DCLK2: variants seen among roughly 807,000 people sequenced by gnomAD.
DCLK2 encodes doublecortin like kinase 2.
In DCLK2, 31 loss-of-function variants were observed where a neutral mutation model predicts 78.4. The observed-to-expected ratio is 0.40, with a 90% CI of 0.30 to 0.53. The LOEUF is 0.53. Among genes scored for constraint, DCLK2 ranks in the 20% least tolerant of loss-of-function variants. The pLI is 0.61. For missense variants in DCLK2, 872 were observed against 973.7 expected, an observed-to-expected ratio of 0.90 and a Z score of 1.39; for synonymous variants, 407 against 374.9, an observed-to-expected ratio of 1.09 and a Z score of -0.99.
intron 2 of DCLK2, among the ~76,000 whole-genome samples, chr4:150,174,460 G>A (rs1231220638): frequency 1.3e-5 from 2 of 152,148 alleles, no homozygotes; most frequent in Non-Finnish European, 2.9e-5. Flanking sequence ...TTTGTCAGAA[G>A]CGGGGACTGC....
In DCLK2 at chr4:150,187,129, T is replaced by C. The variant is rs145869563; in HGVS notation, c.757-6009T>C. Among the ~76,000 whole-genome samples, 700 of 152,310 alleles carry C rather than the reference T, an allele frequency of 4.6e-3. 4 individuals are homozygous for C. The highest frequency in any genetic ancestry group is 0.016 in the African/African-American group (649 of 41,552). On this transcript the variant is annotated intron_variant, in intron 2 of 15. Coordinates refer to ENST00000296550, the MANE Select transcript of DCLK2 (RefSeq NM_001040260.4). ...ATATAGATATATACCAAACCATTGC[T>C]TTGCTTTAAGTCAAATCTTTCTTAT...
chr4:150,130,163 C>T (rs1733199828), intron 2 of DCLK2, among the ~76,000 whole-genome samples: 1 of 152,038 alleles, frequency 6.6e-6, no homozygotes, highest in East Asian at 1.9e-4. Context: ...GCTCAGAAGT[C>T]CTTAATATGT....
chr4:150,087,114 G>A (rs34450486), intron 1 of DCLK2, among the ~76,000 whole-genome samples: 57,604 of 151,890 alleles, frequency 0.38, 11,158 homozygotes, highest in Non-Finnish European at 0.42. Context: ...CCTATTTGCC[G>A]TGTTTTCAAC....
intron 3 of DCLK2, among the ~76,000 whole-genome samples, chr4:150,196,513 C>T (rs1011193296): frequency 1.3e-5 from 2 of 152,172 alleles, no homozygotes; most frequent in South Asian, 2.1e-4. Flanking sequence ...AGTTTACTGC[C>T]CCTGGGGTAT....
intron 2 of DCLK2, among the ~76,000 whole-genome samples, chr4:150,128,422 G>T (rs12506111): frequency 6.6e-6 from 1 of 152,062 alleles, no homozygotes; most frequent in East Asian, 1.9e-4. Context: ...ATTATGTAGC[G>T]CATACAATGC....
chr4:150,078,809 T>C lies in DCLK2; in HGVS notation c.-219T>C. The C allele has an allele frequency of 4.1e-6, 2 of 484,882 alleles. No homozygotes were observed. Among genetic ancestry groups the C allele is most frequent in the South Asian group, 5.0e-5 (1 of 19,980 alleles). The allele number at this position is 484,882 out of a possible 1,614,324, so 30.0% of individuals were successfully genotyped here. Reference sequence around the variant, plus strand: ...GCACGGAGCAAGTCGCACTGGACAATGACCTGGGCAGCTCGGCGCTGCGGA... The same window carrying C: ...GCACGGAGCAAGTCGCACTGGACAACGACCTGGGCAGCTCGGCGCTGCGGA... On this transcript the variant is annotated 5_prime_UTR_variant, in exon 1 of 16. An upstream start codon of the reference 5' UTR is lost. Transcript: ENST00000296550.
intron 2 of DCLK2, among the ~76,000 whole-genome samples, chr4:150,124,624 G>A (rs1333125448): frequency 6.6e-6 from 1 of 152,118 alleles, no homozygotes; most frequent in Non-Finnish European, 1.5e-5. Context: ...ATGCCATTTT[G>A]AAAATGCAAA....
intron 1 of DCLK2, among the ~76,000 whole-genome samples, chr4:150,080,033 C>T (rs1017091642): frequency 6.6e-6 from 1 of 151,974 alleles, no homozygotes; most frequent in Non-Finnish European, 1.5e-5. Context: ...AATATGGGAC[C>T]CTGATCCCCC....
At chr4:150,154,223 C>T (rs1161900866) in intron 2 of DCLK2, among the ~76,000 whole-genome samples, 1 of 152,206 alleles carries the variant, frequency 6.6e-6, no homozygotes, top group Non-Finnish European at 1.5e-5. Context: ...GTCACTCTTT[C>T]TCTTCACTTG....
At chr4:150,171,715 G>GT (rs1394205564) in intron 2 of DCLK2, among the ~76,000 whole-genome samples, 1 of 152,122 alleles carries the variant, frequency 6.6e-6, no homozygotes, top group Admixed American at 6.6e-5. Context: ...GGAGAGGAGA[G>GT]TTTAAGAAAA....
chr4:150,131,335 G>A (rs891839723), intron 2 of DCLK2, among the ~76,000 whole-genome samples: 1 of 152,148 alleles, frequency 6.6e-6, no homozygotes, highest in Non-Finnish European at 1.5e-5. Flanking sequence ...TAATAGAAAT[G>A]TTTTTGTTGA....
At chr4:150,138,955 C>T (rs1046742190) in intron 2 of DCLK2, among the ~76,000 whole-genome samples, 13 of 151,288 alleles carry the variant, frequency 8.6e-5, no homozygotes, top group African/African-American at 2.4e-4. Flanking sequence ...TGAGCCACGG[C>T]GCCTGGCCCA....
chr4:150,092,517 T>A (rs1454255301), intron 1 of DCLK2, among the ~76,000 whole-genome samples: 1 of 152,162 alleles, frequency 6.6e-6, no homozygotes, highest in Non-Finnish European at 1.5e-5. Flanking sequence ...TGACATCTAT[T>A]GTGGTTTTGA....
intron 12 of DCLK2, among the ~76,000 whole-genome samples, chr4:150,244,277 G>A (rs989366151): frequency 2.0e-5 from 3 of 152,020 alleles, no homozygotes; most frequent in South Asian, 2.1e-4. Flanking sequence ...CATCATTACC[G>A]AGAAGTAGAT....
intron 4 of DCLK2, among the ~76,000 whole-genome samples, chr4:150,200,502 T>C (rs1739375062): frequency 1.3e-5 from 2 of 152,222 alleles, no homozygotes; most frequent in Non-Finnish European, 2.9e-5. Flanking sequence ...TGTATAGTGC[T>C]ATATAGCGTG....
rs1744545095 is a variant in DCLK2 at position 150,256,160 on chromosome 4, C to T, written c.2214C>T (p.Pro738=). 4 of 1,578,848 alleles carry T rather than the reference C, an allele frequency of 2.5e-6. No homozygotes were observed. Among genetic ancestry groups the T allele is most frequent in the South Asian group, 2.3e-5 (2 of 87,118 alleles). ...TGCCTGGGGAAGCAGTCCCGGCCCC[C>T]ACCCCTCCGGAATCTCCCACCCCCC... ...IPVPGEAVPA[P]TPPESPTPHP... Residue 738 remains proline (P), a synonymous_variant, in exon 16 of 16, where the codon CCC becomes CCT. Coordinates refer to ENST00000296550, the MANE Select transcript of DCLK2 (RefSeq NM_001040260.4).
At chr4:150,186,609 G>A (rs1159907839) in intron 2 of DCLK2, among the ~76,000 whole-genome samples, 1 of 152,192 alleles carries the variant, frequency 6.6e-6, no homozygotes, top group African/African-American at 2.4e-5. Context: ...TAGAATGAAT[G>A]AATGTGCAGT....
At chr4:150,146,406 T>C (rs1734477290) in intron 2 of DCLK2, among the ~76,000 whole-genome samples, 1 of 152,206 alleles carries the variant, frequency 6.6e-6, no homozygotes, top group African/African-American at 2.4e-5. Context: ...AAGGAAACAC[T>C]GGAGAAAACT....
In DCLK2 at chr4:150,147,787, G is replaced by A. The variant is rs534574596; in HGVS notation, c.756+44975G>A. Among the ~76,000 whole-genome samples the A allele has an allele frequency of 8.3e-4, 127 of 152,314 alleles. No individual in the cohort carries two copies. In the Middle Eastern group the frequency reaches 0.024, roughly 29 times the overall value. ...ATACTCCATGGCATCTCCAGTTTGG[G>A]GAGAACATTGCCAATGCATTTTAGT... On this transcript the variant is annotated intron_variant, in intron 2 of 15. Transcript: ENST00000296550.
Sources: allele counts gnomAD v4.1 joint callset (sites outside exome capture counted in the v4.1 genomes callset), GRCh38; gene constraint gnomAD v4.1.1; transcripts MANE v1.5; gene names NCBI Gene and HGNC (gene_info 2026-07-23, HGNC 2026-07-21).